The following MAN1A2 variants were observed in gnomAD, a reference collection of about 807,000 sequenced individuals.
MAN1A2 encodes the protein mannosidase alpha class 1A member 2.
Under a neutral mutation model 75.7 loss-of-function variants are expected in MAN1A2, and 26 were observed. The observed-to-expected ratio is 0.34, with a 90% confidence interval of 0.25 to 0.48. The LOEUF is 0.48. MAN1A2 is among the 20% of genes least tolerant of loss of function. The pLI, the probability that MAN1A2 is intolerant of heterozygous loss-of-function variation, is 0.99. For missense variants in MAN1A2, 562 were observed against 775.5 expected, an observed-to-expected ratio of 0.72 and a Z score of 3.27; for synonymous variants, 247 against 264.6, an observed-to-expected ratio of 0.93 and a Z score of 0.65.
Position 117,528,563 on chromosome 1 carries a change from A to G in MAN1A2, c.*5606A>G, listed in dbSNP as rs773990177. ...ATGTATACCAGAAAACATAATAAAG[A>G]TAAGCTCAGTTCTTCATTGGGAAAA... On this transcript the variant is annotated 3_prime_UTR_variant, in exon 13 of 13. Coordinates refer to ENST00000356554, the MANE Select transcript of MAN1A2 (RefSeq NM_006699.5). 1.2e-4 allele frequency: 19 copies of G among 152,142 alleles called. No homozygotes were observed. Among genetic ancestry groups the G allele is most frequent in the Non-Finnish European group, 2.6e-4 (18 of 67,990 alleles). 9.4% of individuals were successfully genotyped at this position (152,142 alleles called of 1,614,324 possible).
chr1:117,464,555 T>G (rs960733318), intron 7 of MAN1A2, among the ~76,000 whole-genome samples: 1 of 152,000 alleles, frequency 6.6e-6, no homozygotes, highest in East Asian at 1.9e-4. Context: ...ATTCTCTAAA[T>G]TAGATGGTGT....
chr1:117,526,890 A>G lies in MAN1A2; in HGVS notation c.*3933A>G, dbSNP rs1027802281. The G allele has an allele frequency of 7.8e-6, 1 of 128,760 alleles. No homozygotes were observed. The highest frequency in any genetic ancestry group is 2.1e-4 in the East Asian group (1 of 4,670). The allele number at this position is 128,760 out of a possible 1,614,324, so 8.0% of individuals were successfully genotyped here. ...TCTCTCTCTCTCTCTCTATATATAT[A>G]TATATATATATATATATATGAGAGA... On this transcript the variant is annotated 3_prime_UTR_variant, in exon 13 of 13. Transcript: ENST00000356554.
intron 8 of MAN1A2, among the ~76,000 whole-genome samples, chr1:117,479,761 A>T (rs1557967970): frequency 2.0e-5 from 3 of 151,580 alleles, no homozygotes; most frequent in African/African-American, 4.8e-5. Flanking sequence ...TTCAATCCTT[A>T]TTCTTATTGT....
At chr1:117,456,922 A>G (rs1649599550) in intron 6 of MAN1A2, among the ~76,000 whole-genome samples, 1 of 152,088 alleles carries the variant, frequency 6.6e-6, no homozygotes. Flanking sequence ...ACAAATGAAG[A>G]TACTTCAACT....
intron 1 of MAN1A2, among the ~76,000 whole-genome samples, chr1:117,370,220 C>T (rs1652914585): frequency 6.6e-6 from 1 of 152,018 alleles, no homozygotes; most frequent in African/African-American, 2.4e-5. Context: ...TATTGGGTTC[C>T]TGAGTTTGGA....
chr1:117,383,139 C>CA (rs1468312410), intron 1 of MAN1A2, among the ~76,000 whole-genome samples: 2 of 152,194 alleles, frequency 1.3e-5, no homozygotes, highest in African/African-American at 4.8e-5. Flanking sequence ...TTCAGTCTTT[C>CA]ACCATTGAGT....
chr1:117,437,140 G>T (rs1299186182), intron 5 of MAN1A2, among the ~76,000 whole-genome samples: 1 of 152,142 alleles, frequency 6.6e-6, no homozygotes, highest in Non-Finnish European at 1.5e-5. Context: ...AGTATAGAGA[G>T]TCAAAGAGGG....
intron 6 of MAN1A2, among the ~76,000 whole-genome samples, chr1:117,444,085 G>C (rs1490367552): frequency 1.3e-5 from 2 of 151,928 alleles, no homozygotes; most frequent in Admixed American, 1.3e-4. Context: ...TGTTTATTTG[G>C]TTTATCACTT....
intron 7 of MAN1A2, among the ~76,000 whole-genome samples, chr1:117,465,961 GTTAT>G (rs896935297): frequency 6.6e-6 from 1 of 152,064 alleles, no homozygotes; most frequent in African/African-American, 2.4e-5. Context: ...TTCCTGTGAA[GTTAT>G]TTCTGTTCTT....
intron 6 of MAN1A2, among the ~76,000 whole-genome samples, chr1:117,447,579 G>C (rs1338689034): frequency 6.6e-6 from 1 of 152,092 alleles, no homozygotes; most frequent in Non-Finnish European, 1.5e-5. Flanking sequence ...ATAAGTGTGT[G>C]AGAATGGCTC....
chr1:117,491,407 A>G (rs1449886854), intron 8 of MAN1A2, among the ~76,000 whole-genome samples: 1 of 152,106 alleles, frequency 6.6e-6, no homozygotes, highest in Non-Finnish European at 1.5e-5. Flanking sequence ...TTGAGAGCAC[A>G]TCTGTTGATG....
intron 3 of MAN1A2, among the ~76,000 whole-genome samples, chr1:117,410,088 T>A (rs1647757831): frequency 6.6e-6 from 1 of 151,982 alleles, no homozygotes; most frequent in African/African-American, 2.4e-5. Context: ...TAGAAATAGT[T>A]GTTATACTGT....
chr1:117,473,924 A>G (rs1650237346), intron 8 of MAN1A2, among the ~76,000 whole-genome samples: 1 of 152,026 alleles, frequency 6.6e-6, no homozygotes, highest in Non-Finnish European at 1.5e-5. Context: ...CAAATAACAA[A>G]TATCTTCTTC....
chr1:117,379,769 A>G (rs1653271360), intron 1 of MAN1A2, among the ~76,000 whole-genome samples: 1 of 151,992 alleles, frequency 6.6e-6, no homozygotes, highest in Admixed American at 6.6e-5. Context: ...CACTTAGCAT[A>G]ATGTTTTTGA....
intron 6 of MAN1A2, among the ~76,000 whole-genome samples, chr1:117,442,813 G>A (rs1183511144): frequency 2.0e-5 from 3 of 151,340 alleles, no homozygotes; most frequent in South Asian, 2.1e-4. Context: ...TGTTGACTGC[G>A]GGGTTTTTAT....
chr1:117,426,504 A>G (rs563718630), intron 5 of MAN1A2, among the ~76,000 whole-genome samples: 24 of 152,288 alleles, frequency 1.6e-4, no homozygotes, highest in Non-Finnish European at 3.2e-4. Context: ...CTAAGTTGAA[A>G]ATGCATTTAG....
intron 5 of MAN1A2, among the ~76,000 whole-genome samples, chr1:117,438,205 T>A (rs372064448): frequency 1.3e-5 from 2 of 152,334 alleles, no homozygotes; most frequent in African/African-American, 4.8e-5. Context: ...CCTGACCCTG[T>A]GTAGGCCTAG....
chr1:117,424,408 A>G (rs188398106), intron 5 of MAN1A2, among the ~76,000 whole-genome samples: 8 of 152,276 alleles, frequency 5.3e-5, no homozygotes, highest in Admixed American at 3.9e-4. Context: ...CTGTAATCCA[A>G]GAATGTTTAT....
chr1:117,408,457 G>A (rs1647689719), intron 3 of MAN1A2, among the ~76,000 whole-genome samples: 1 of 151,290 alleles, frequency 6.6e-6, no homozygotes, highest in East Asian at 1.9e-4. Flanking sequence ...TTTGAAGGGT[G>A]CATTTTATTT....
Sources: gnomAD v4.1 joint callset for allele counts (sites outside exome capture counted in the v4.1 genomes callset) on GRCh38, gnomAD v4.1.1 for gene constraint, MANE v1.5 for transcripts, NCBI Gene and HGNC (gene_info 2026-07-23, HGNC 2026-07-21) for gene names.